Variants in ANXA2 observed in about 807,000 individuals in gnomAD.
ANXA2 encodes annexin II.
ANXA2 carries 28 observed loss-of-function variants against 47.3 expected under a neutral mutation model. That is an observed-to-expected ratio of 0.59 (90% CI 0.44 to 0.81). The LOEUF (loss-of-function observed/expected upper bound fraction) is 0.81, where lower values mean the gene tolerates loss of function less well. Ranked by LOEUF, ANXA2 falls within the 40% of genes least tolerant of loss-of-function variation. ANXA2 has a pLI of 0.00. For missense variants in ANXA2, 384 were observed against 414.3 expected (o/e 0.93, Z 0.64); for synonymous variants, 172 against 155.5 (o/e 1.11, Z -0.79).
At chr15:60,360,493 G>C (rs1197183273) in intron 5 of ANXA2, among the ~76,000 whole-genome samples, 1 of 152,140 alleles carries the variant, frequency 6.6e-6, no homozygotes, top group Non-Finnish European at 1.5e-5. Context: ...ATGATGTTCT[G>C]ATTCTGCCTG....
In ANXA2 at chr15:60,380,671, G is replaced by C. The variant is rs532875018; in HGVS notation, c.148+1671C>G. Among the ~76,000 whole-genome samples, 418 of 151,720 alleles carry C rather than the reference G, an allele frequency of 2.8e-3. 2 individuals carry two copies. Among genetic ancestry groups the C allele is most frequent in the African/African-American group, 9.8e-3 (404 of 41,330 alleles). The stretch of plus-strand genomic sequence containing the variant: ...AACAGAAAATTAGCTGGGCATGGTG[G>C]TGTGTGCCTGTAATCCCAGCTATTA... On this transcript the variant is annotated intron_variant, in intron 3 of 12. Transcript: ENST00000451270.
chr15:60,350,676 G>A (rs1895968509), intron 11 of ANXA2, among the ~76,000 whole-genome samples: 1 of 152,184 alleles, frequency 6.6e-6, no homozygotes, highest in Non-Finnish European at 1.5e-5. Flanking sequence ...TTGTGGGGCT[G>A]TCTTTGGGGT....
chr15:60,386,034 C>T lies in ANXA2; in HGVS notation c.42G>A (p.Glu14=). The part of the protein sequence containing the change: ...VHEILCKLSL[E]GDHSTPPSAY... ...GTGAAAGTGATATACTTACATCACC[C>T]TCCAAGCTGAGCTTGCACAGGATTT... The change falls in exon 2 of 13, where the codon GAG becomes GAA. Residue 14 remains glutamate (E), a synonymous_variant. Coordinates refer to ENST00000451270, the MANE Select transcript of ANXA2 (RefSeq NM_004039.3). The T allele has an allele frequency of 1.9e-6, 3 of 1,611,612 alleles. No individual in the cohort carries two copies. Among genetic ancestry groups the T allele is most frequent in the Non-Finnish European group, 2.5e-6 (3 of 1,178,736 alleles).
At chr15:60,348,037 T>A (rs1403868846) in intron 12 of ANXA2, among the ~76,000 whole-genome samples, 1 of 152,204 alleles carries the variant, frequency 6.6e-6, no homozygotes, top group Non-Finnish European at 1.5e-5. Context: ...CTCGTCCTCG[T>A]CTTTCCACAG....
chr15:60,385,291 G>A (rs1310282815), intron 2 of ANXA2, among the ~76,000 whole-genome samples: 1 of 152,178 alleles, frequency 6.6e-6, no homozygotes, highest in Non-Finnish European at 1.5e-5. Context: ...CCTCGAGCCA[G>A]GCATGGTGGC....
chr15:60,393,801 C>A (rs1265897176), intron 1 of ANXA2, among the ~76,000 whole-genome samples: 1 of 152,188 alleles, frequency 6.6e-6, no homozygotes, highest in African/African-American at 2.4e-5. Context: ...GGGTTTCCAA[C>A]TTAACTCCCT....
chr15:60,384,111 G>C (rs1169787775), intron 2 of ANXA2: 1 of 152,292 alleles, frequency 6.6e-6, no homozygotes, highest in East Asian at 1.9e-4. Context: ...TGATGACATG[G>C]AGCACACATT....
In ANXA2 at chr15:60,378,107, G is replaced by GA. The variant is rs1035240777; in HGVS notation, c.148+4234dup. Among the ~76,000 whole-genome samples the GA allele has an allele frequency of 1.2e-4, 18 of 146,836 alleles. No homozygotes were observed. In the East Asian group the frequency reaches 2.0e-3, roughly 16 times the overall value. ...ACAGAGTGAGACTCCGCCTCAAAAA[G>GA]AAAAAAAAAATGGTTGTGGTTGTGA... On this transcript the variant is annotated intron_variant, in intron 3 of 12. Transcript: ENST00000451270.
At chr15:60,394,439 C>T (rs1357172487) in intron 1 of ANXA2, 1 of 152,348 alleles carries the variant, frequency 6.6e-6, no homozygotes, top group East Asian at 1.9e-4. Flanking sequence ...TGGCTCACGC[C>T]TGTAATCCCA....
At chr15:60,387,475 G>A (rs927316362) in intron 1 of ANXA2, among the ~76,000 whole-genome samples, 1 of 152,178 alleles carries the variant, frequency 6.6e-6, no homozygotes, top group Admixed American at 6.5e-5. Flanking sequence ...AAAGAAATGA[G>A]CCATCAAGCC....
At chr15:60,395,005 G>A (rs117061729) in intron 1 of ANXA2, among the ~76,000 whole-genome samples, 5 of 152,244 alleles carry the variant, frequency 3.3e-5, no homozygotes, top group East Asian at 3.9e-4. Context: ...AAAAAAAGAG[G>A]AACATTCCAT....
intron 3 of ANXA2, among the ~76,000 whole-genome samples, chr15:60,368,401 G>C (rs1202963996): frequency 6.6e-6 from 1 of 151,988 alleles, no homozygotes; most frequent in Non-Finnish European, 1.5e-5. Context: ...TTTCAGCATT[G>C]TATACAATAT....
intron 4 of ANXA2, among the ~76,000 whole-genome samples, chr15:60,364,036 C>G (rs965054877): frequency 2.6e-5 from 4 of 152,160 alleles, no homozygotes; most frequent in Non-Finnish European, 4.4e-5. Context: ...TCCAGGTAGC[C>G]TGGGTTGGGG....
At chr15:60,370,757 A>G (rs2062699839) in intron 3 of ANXA2, among the ~76,000 whole-genome samples, 1 of 152,014 alleles carries the variant, frequency 6.6e-6, no homozygotes, top group East Asian at 1.9e-4. Context: ...CTTGATTTAT[A>G]CTCTCTGACC....
Position 60,347,501 on chromosome 15 carries a change from T to A in ANXA2, c.*129A>T, listed in dbSNP as rs1179474521. 2.5e-6 allele frequency: 2 copies of A among 805,786 alleles called. No homozygotes were observed. 49.9% of individuals were successfully genotyped at this position (805,786 alleles called of 1,614,324 possible). Reference sequence around the variant, plus strand: ...CAATGCTTAGGCAACTAAAATGAGGTTGGGGGTAATGCTAACGTCACCCTC... The same window carrying A: ...CAATGCTTAGGCAACTAAAATGAGGATGGGGGTAATGCTAACGTCACCCTC... On this transcript the variant is annotated 3_prime_UTR_variant, in exon 13 of 13. Transcript: ENST00000451270.
intron 11 of ANXA2, 33 bp downstream of exon 11, chr15:60,351,160 G>A (rs755285129): frequency 1.2e-6 from 2 of 1,609,282 alleles, no homozygotes; most frequent in East Asian, 2.2e-5. Flanking sequence ...AGCTGAGTGT[G>A]GAAACACAGC....
chr15:60,362,862 T>C (rs950107230), intron 4 of ANXA2: 1 of 151,836 alleles, frequency 6.6e-6, no homozygotes, highest in Non-Finnish European at 1.5e-5. Flanking sequence ...GTTCTACATA[T>C]ATCTAATCTA....
At position 60,364,610 on chromosome 15, in the gene ANXA2, C is replaced by T. The variant is rs2062567093; in HGVS notation, c.149-87G>A. ...AAGGTGTCAAGCAGACTTTTTCAAA[C>T]TGAAATTTATATACTGTTTTCCAAA... On this transcript the variant is annotated intron_variant, in intron 3 of 12. Coordinates refer to ENST00000451270, the MANE Select transcript of ANXA2 (RefSeq NM_004039.3). 4 of 989,920 alleles carry T rather than the reference C, an allele frequency of 4.0e-6. No homozygotes were observed. The South Asian group carries it at 6.6e-5, about 16-fold the overall frequency. 61.3% of individuals were successfully genotyped at this position (989,920 alleles called of 1,614,324 possible). A position where few individuals can be genotyped will look rare whatever the true frequency, so the allele number is the denominator to read the frequency against.
rs368383672 is a variant in ANXA2, at chr15:60,383,935, G to C, written c.49-1494C>G. ...CTATATCTAGATGACTCCCAGGAGA[G>C]GCCAGAAATCTAAGTTCAGCATTTG... is the stretch of plus-strand genomic sequence containing the variant. On this transcript the variant is annotated intron_variant, in intron 2 of 12. Transcript: ENST00000451270. The C allele has an allele frequency of 6.6e-5, 10 of 152,306 alleles. No homozygotes were observed. The East Asian group carries it at 1.3e-3, about 21-fold the overall frequency. The allele number at this position is 152,306 out of a possible 1,614,324, so 9.4% of individuals were successfully genotyped here. A position where few individuals can be genotyped will look rare whatever the true frequency, so the allele number is the denominator to read the frequency against.
Sources: gnomAD v4.1 joint callset for allele counts (sites outside exome capture counted in the v4.1 genomes callset) on GRCh38, gnomAD v4.1.1 for gene constraint, MANE v1.5 for transcripts, NCBI Gene and HGNC (gene_info 2026-07-23, HGNC 2026-07-21) for gene names.